GRIA1: variants seen among roughly 807,000 people sequenced by gnomAD.
GRIA1 encodes the protein glutamate receptor 1.
A neutral mutation model predicts 99.2 loss-of-function variants in GRIA1; 31 were observed. The observed-to-expected ratio is 0.31, with a 90% CI of 0.23 to 0.42. The LOEUF (loss-of-function observed/expected upper bound fraction) is 0.42. Among genes scored for constraint, GRIA1 ranks in the 10% least tolerant of loss-of-function variants. GRIA1 has a pLI of 1.00. For synonymous variants in GRIA1, 438 were observed against 432.4 expected, an observed-to-expected ratio of 1.01 and a Z score of -0.16; for missense variants, 782 against 1,157.5, an observed-to-expected ratio of 0.68 and a Z score of 4.71.
intron 13 of GRIA1, among the ~76,000 whole-genome samples, chr5:153,776,262 T>C (rs1461801206): frequency 2.0e-5 from 3 of 152,192 alleles, no homozygotes; most frequent in Non-Finnish European, 4.4e-5. Context: ...TCTATGTTCG[T>C]CACTAGTCAT....
intron 15 of GRIA1, among the ~76,000 whole-genome samples, chr5:153,804,566 G>A (rs911249231): frequency 3.9e-5 from 6 of 152,110 alleles, no homozygotes; most frequent in Non-Finnish European, 5.9e-5. Flanking sequence ...ATTATAAGGA[G>A]TTCCTTTCTT....
At chr5:153,714,534 A>G (rs1759533825) in intron 11 of GRIA1, among the ~76,000 whole-genome samples, 1 of 152,192 alleles carries the variant, frequency 6.6e-6, no homozygotes, top group African/African-American at 2.4e-5. Flanking sequence ...GGCTAGCTAC[A>G]TCTTCGTAGG....
chr5:153,786,419 C>T (rs1764967570), intron 13 of GRIA1, among the ~76,000 whole-genome samples: 1 of 151,840 alleles, frequency 6.6e-6, no homozygotes, highest in Non-Finnish European at 1.5e-5. Context: ...TTCCATAACC[C>T]TTTATTTTAA....
chr5:153,561,453 C>A (rs1285109416), intron 2 of GRIA1, among the ~76,000 whole-genome samples: 1 of 152,114 alleles, frequency 6.6e-6, no homozygotes, highest in African/African-American at 2.4e-5. Context: ...ACTGAGGCTA[C>A]CACTGGGTCA....
Position 153,705,693 on chromosome 5 carries a change from T to TC in GRIA1, c.1453-3dup, listed in dbSNP as rs781184795. 1.4e-4 allele frequency: 149 copies of TC among 1,101,448 alleles called. 5 individuals are homozygous for TC. The Admixed American group carries it at 2.3e-3, about 17-fold the overall frequency. 68.2% of individuals were successfully genotyped at this position (1,101,448 alleles called of 1,614,324 possible). A position where few individuals can be genotyped will look rare whatever the true frequency, so the allele number is the denominator to read the frequency against. On this transcript the variant is annotated splice_polypyrimidine_tract_variant and splice_region_variant and intron_variant, in intron 10 of 15. Transcript: ENST00000285900. ...TTTTTTTTTTTTTTTTTTTTTTTTT[T>TC]CAGAGAGCAGATGTGGCTGTGGCTC...
intron 2 of GRIA1, among the ~76,000 whole-genome samples, chr5:153,529,343 G>T (rs1414850016): frequency 2.0e-5 from 3 of 152,138 alleles, no homozygotes; most frequent in African/African-American, 4.8e-5. Context: ...AGACTCCTGG[G>T]TTCCTCCTTA....
At chr5:153,550,310 T>C (rs558792944) in intron 2 of GRIA1, among the ~76,000 whole-genome samples, 2 of 151,974 alleles carry the variant, frequency 1.3e-5, no homozygotes, top group South Asian at 4.2e-4. Flanking sequence ...AGTAGAGAGC[T>C]GTGTCATGAA....
intron 2 of GRIA1, among the ~76,000 whole-genome samples, chr5:153,550,370 G>T (rs896199717): frequency 2.6e-5 from 4 of 151,920 alleles, no homozygotes; most frequent in Non-Finnish European, 1.5e-5. Flanking sequence ...CAGGCATTGG[G>T]GTGGGCTTTA....
At chr5:153,731,845 G>A (rs1257821773) in intron 11 of GRIA1, among the ~76,000 whole-genome samples, 4 of 151,960 alleles carry the variant, frequency 2.6e-5, no homozygotes, top group Non-Finnish European at 5.9e-5. Context: ...TTAGGTATCC[G>A]GAACTTATTA....
At chr5:153,804,732 A>AATTAATTAATTT (rs1446385758) in intron 15 of GRIA1, among the ~76,000 whole-genome samples, 2 of 76,084 alleles carry the variant, frequency 2.6e-5, no homozygotes, top group African/African-American at 6.2e-5. Flanking sequence ...TTAATTAATT[A>AATTAATTAATTT]ATTTATTTAT....
rs116815576 is a variant in GRIA1 at position 153,658,296 on chromosome 5, T to C, written c.699+2424T>C. On this transcript the variant is annotated intron_variant, in intron 5 of 15. Transcript: ENST00000285900. ...AGATAGAAATTGCATGCCAGTGGCC[T>C]TAGAGACACTGAAAGACCCCAGGTA... is the stretch of plus-strand genomic sequence containing the variant. Among the ~76,000 whole-genome samples the C allele has an allele frequency of 8.8e-3, 1,344 of 152,274 alleles. 22 individuals carry two copies. Among genetic ancestry groups the C allele is most frequent in the African/African-American group, 0.031 (1,287 of 41,556 alleles).
At chr5:153,560,002 T>C (rs1760982843) in intron 2 of GRIA1, among the ~76,000 whole-genome samples, 1 of 148,976 alleles carries the variant, frequency 6.7e-6, no homozygotes, top group Admixed American at 6.9e-5. Context: ...TACTCTGAAA[T>C]AGAGGTCATC....
chr5:153,578,969 C>T (rs1201151056), intron 2 of GRIA1, among the ~76,000 whole-genome samples: 1 of 151,754 alleles, frequency 6.6e-6, no homozygotes, highest in African/African-American at 2.4e-5. Flanking sequence ...TTTGTGACTC[C>T]CTTTTCTCTC....
chr5:153,674,818 G>T (rs1367958736), intron 6 of GRIA1, among the ~76,000 whole-genome samples, 157 bp downstream of exon 6: 2 of 152,078 alleles, frequency 1.3e-5, no homozygotes, highest in Admixed American at 1.3e-4. Context: ...AAGGTGCAGG[G>T]GTCAGACAAC....
intron 11 of GRIA1, among the ~76,000 whole-genome samples, chr5:153,720,022 T>A (rs1016235307): frequency 8.5e-5 from 13 of 152,166 alleles, no homozygotes; most frequent in Non-Finnish European, 1.3e-4. Flanking sequence ...ATTTTTTGTG[T>A]CCACAATAGA....
intron 2 of GRIA1, among the ~76,000 whole-genome samples, chr5:153,601,426 T>C (rs1764950455): frequency 6.6e-6 from 1 of 152,214 alleles, no homozygotes. Context: ...TTTTATAATC[T>C]CACTGCTAAA....
At chr5:153,492,094 G>GA in intron 1 of GRIA1, 3 of 1,394,338 alleles carry the variant, frequency 2.2e-6, no homozygotes, top group Non-Finnish European at 2.8e-6. Flanking sequence ...CCCTGGTAGG[G>GA]AGATAGCTCC....
At chr5:153,766,736 C>T (rs895989777) in intron 12 of GRIA1, among the ~76,000 whole-genome samples, 1 of 152,156 alleles carries the variant, frequency 6.6e-6, no homozygotes, top group African/African-American at 2.4e-5. Flanking sequence ...CACATCTAGT[C>T]TAACTGTACC....
chr5:153,662,271 T>C (rs1755426158), intron 5 of GRIA1, among the ~76,000 whole-genome samples: 2 of 152,234 alleles, frequency 1.3e-5, no homozygotes, highest in South Asian at 4.1e-4. Context: ...CCTGTCCGTA[T>C]GCCTGATACT....
Sources: allele counts gnomAD v4.1 joint callset (sites outside exome capture counted in the v4.1 genomes callset), GRCh38; gene constraint gnomAD v4.1.1; transcripts MANE v1.5; gene names NCBI Gene and HGNC (gene_info 2026-07-23, HGNC 2026-07-21).